The following NPAS3 variants were observed in gnomAD, a reference collection of about 807,000 sequenced individuals.
NPAS3 encodes the protein neuronal PAS domain protein 3.
Under a neutral mutation model 73.1 loss-of-function variants are expected in NPAS3, and 14 were observed. The observed-to-expected ratio is 0.19, with a 90% CI of 0.13 to 0.30. NPAS3 has a LOEUF of 0.30. Ranked by LOEUF, NPAS3 falls within the 10% of genes least tolerant of loss-of-function variation. The probability of loss-of-function intolerance (pLI) is 1.00; values close to 1 mark genes in which losing one functional copy is unlikely to be tolerated. For synonymous variants in NPAS3, 620 were observed against 541.5 expected (o/e 1.14, Z -2.01); for missense variants, 1,096 against 1,250.0 (o/e 0.88, Z 1.86).
rs376341522 is a variant in NPAS3 at position 33,545,853 on chromosome 14, A to G, written c.469-14268A>G. The stretch of plus-strand genomic sequence containing the variant: ...GTGCCAGATCTGTGAGCCATAAGAT[A>G]TGGCCTCTGGCAGTGTATCTCCCTT... On this transcript the variant is annotated intron_variant, in intron 4 of 11. Transcript: ENST00000356141. Among the ~76,000 whole-genome samples the G allele has an allele frequency of 5.9e-5, 9 of 152,336 alleles. No homozygotes were observed. In the East Asian group the frequency reaches 1.5e-3, roughly 26 times the overall value.
intron 1 of NPAS3, among the ~76,000 whole-genome samples, chr14:32,998,401 T>C (rs2038672168): frequency 6.6e-6 from 1 of 152,190 alleles, no homozygotes; most frequent in Admixed American, 6.5e-5. Context: ...AAGTGCTTAA[T>C]GGGTATGGGG....
chr14:33,641,293 T>G (rs1469547936), intron 5 of NPAS3, among the ~76,000 whole-genome samples: 1 of 152,228 alleles, frequency 6.6e-6, no homozygotes, highest in Non-Finnish European at 1.5e-5. Flanking sequence ...AGAATGCAGA[T>G]TTCTTTGCTG....
At chr14:33,201,300 G>GGTGTGT (rs34700439) in intron 2 of NPAS3, among the ~76,000 whole-genome samples, 1 of 150,922 alleles carries the variant, frequency 6.6e-6, no homozygotes, top group South Asian at 2.1e-4. Context: ...CCCTAACAAT[G>GGTGTGT]GTGTGTGTGT....
Position 33,019,429 on chromosome 14 carries a change from C to G in NPAS3, c.51-36476C>G, listed in dbSNP as rs947825407. Among the ~76,000 whole-genome samples, 3 of 152,210 alleles carry G rather than the reference C, an allele frequency of 2.0e-5. No homozygotes were observed. In the East Asian group the frequency reaches 5.8e-4, roughly 29 times the overall value. On this transcript the variant is annotated intron_variant, in intron 1 of 11. Transcript: ENST00000356141. ...GCTCATTTGTATTTGTATTAACACA[C>G]AGCCCACTTGAAAGGGAGTAATTAT...
chr14:33,111,650 TTTC>T (rs1327464407), intron 2 of NPAS3, among the ~76,000 whole-genome samples: 2 of 147,626 alleles, frequency 1.4e-5, no homozygotes, highest in Non-Finnish European at 3.0e-5. Context: ...TTCCTTAAAT[TTTC>T]TTTTTTTTTC....
intron 6 of NPAS3, among the ~76,000 whole-genome samples, chr14:33,695,266 G>A (rs931254697): frequency 6.6e-6 from 1 of 152,164 alleles, no homozygotes; most frequent in South Asian, 2.1e-4. Context: ...TACCATATGA[G>A]AGACTCTGAC....
At chr14:32,962,569 C>CT (rs71432096) in intron 1 of NPAS3, among the ~76,000 whole-genome samples, 3,334 of 110,494 alleles carry the variant, frequency 0.03, 234 homozygotes, top group African/African-American at 0.094. Flanking sequence ...TTTTTCTTTT[C>CT]TTTTTTTTTT....
At chr14:32,969,296 A>G (rs552796976) in intron 1 of NPAS3, among the ~76,000 whole-genome samples, 1 of 152,214 alleles carries the variant, frequency 6.6e-6, no homozygotes, top group East Asian at 1.9e-4. Flanking sequence ...GTCAGACCAC[A>G]TTCTGTTGGA....
At chr14:33,663,860 G>T (rs1312461978) in intron 5 of NPAS3, among the ~76,000 whole-genome samples, 1 of 151,924 alleles carries the variant, frequency 6.6e-6, no homozygotes, top group Non-Finnish European at 1.5e-5. Context: ...ATGGTAGTTT[G>T]TATTTCTGTG....
At chr14:33,209,942 C>T (rs572865305) in intron 2 of NPAS3, among the ~76,000 whole-genome samples, 1 of 150,854 alleles carries the variant, frequency 6.6e-6, no homozygotes, top group East Asian at 2.0e-4. Flanking sequence ...AGTATCTGAA[C>T]CTCCTTCATA....
At chr14:33,622,480 A>T (rs953658321) in intron 5 of NPAS3, among the ~76,000 whole-genome samples, 3 of 152,166 alleles carry the variant, frequency 2.0e-5, no homozygotes, top group Admixed American at 6.5e-5. Context: ...TTGATAATGA[A>T]CCTGATGTTT....
intron 4 of NPAS3, among the ~76,000 whole-genome samples, chr14:33,455,308 G>A (rs1251329813): frequency 6.6e-6 from 1 of 152,156 alleles, no homozygotes; most frequent in Admixed American, 6.5e-5. Flanking sequence ...AGATGGTTTT[G>A]GGGGGTGGGT....
At chr14:33,239,060 A>G (rs2048131700) in intron 3 of NPAS3, among the ~76,000 whole-genome samples, 1 of 151,980 alleles carries the variant, frequency 6.6e-6, no homozygotes, top group Non-Finnish European at 1.5e-5. Context: ...AGCTAAAATG[A>G]AACCAGCATG....
chr14:33,108,340 C>T (rs1157464405), intron 2 of NPAS3, among the ~76,000 whole-genome samples: 1 of 151,866 alleles, frequency 6.6e-6, no homozygotes, highest in Admixed American at 6.6e-5. Context: ...ACTACAGGTG[C>T]CCACCACCAC....
chr14:33,330,862 C>T (rs1246196590), intron 3 of NPAS3, among the ~76,000 whole-genome samples: 1 of 152,022 alleles, frequency 6.6e-6, no homozygotes, highest in Non-Finnish European at 1.5e-5. Context: ...TGAGCAGTGA[C>T]CTAGCCTTAA....
intron 2 of NPAS3, among the ~76,000 whole-genome samples, chr14:33,113,016 A>G (rs957529799): frequency 6.6e-6 from 1 of 152,090 alleles, no homozygotes; most frequent in Non-Finnish European, 1.5e-5. Flanking sequence ...GTTCTGCTCC[A>G]TTGGTCTGTA....
chr14:33,763,729 T>C (rs935917771), intron 7 of NPAS3, among the ~76,000 whole-genome samples: 4 of 152,214 alleles, frequency 2.6e-5, no homozygotes, highest in African/African-American at 7.2e-5. Flanking sequence ...TTAAGAGAAG[T>C]CTCTTTGTTC....
intron 3 of NPAS3, among the ~76,000 whole-genome samples, chr14:33,348,724 G>T (rs2044871447): frequency 6.6e-6 from 1 of 150,974 alleles, no homozygotes; most frequent in Non-Finnish European, 1.5e-5. Context: ...CCATGCCAAG[G>T]CCTGGAGCTC....
At chr14:32,946,414 C>G (rs2036263683) in intron 1 of NPAS3, among the ~76,000 whole-genome samples, 1 of 148,894 alleles carries the variant, frequency 6.7e-6, no homozygotes, top group Non-Finnish European at 1.5e-5. Flanking sequence ...GGAAAGTTAG[C>G]CTTTGGTAAC....
Sources: gnomAD v4.1 joint callset for allele counts (sites outside exome capture counted in the v4.1 genomes callset) on GRCh38, gnomAD v4.1.1 for gene constraint, MANE v1.5 for transcripts, NCBI Gene and HGNC (gene_info 2026-07-23, HGNC 2026-07-21) for gene names.